EYA4: variants seen among roughly 807,000 people sequenced by gnomAD.
EYA4 encodes the protein protein phosphatase EYA4.
A neutral mutation model predicts 87.9 loss-of-function variants in EYA4; 31 were observed. The ratio of observed to expected loss-of-function variants is 0.35; its 90% confidence interval spans 0.27 to 0.48. The LOEUF (loss-of-function observed/expected upper bound fraction) is 0.48, where lower values mean the gene tolerates loss of function less well. Among genes scored for constraint, EYA4 ranks in the 20% least tolerant of loss-of-function variants. EYA4 has a pLI of 0.99. For missense variants in EYA4, 678 were observed against 761.4 expected, an observed-to-expected ratio of 0.89 and a Z score of 1.29; for synonymous variants, 263 against 270.6, an observed-to-expected ratio of 0.97 and a Z score of 0.28.
chr6:133,294,015 G>C (rs1436447051), intron 2 of EYA4, among the ~76,000 whole-genome samples: 1 of 67,978 alleles, frequency 1.5e-5, no homozygotes, highest in Non-Finnish European at 2.8e-5. Flanking sequence ...GTGCTCCCTA[G>C]GGTGATTTTA....
chr6:133,277,399 T>C (rs1777265527), intron 2 of EYA4, among the ~76,000 whole-genome samples: 1 of 152,202 alleles, frequency 6.6e-6, no homozygotes, highest in Non-Finnish European at 1.5e-5. Flanking sequence ...AATAGGTAGT[T>C]AAGGGCATGA....
chr6:133,480,240 G>A (rs987621061), intron 11 of EYA4, among the ~76,000 whole-genome samples: 1 of 152,204 alleles, frequency 6.6e-6, no homozygotes, highest in African/African-American at 2.4e-5. Context: ...CAAGGTATCA[G>A]CTGTCAAATA....
At chr6:133,323,025 C>A (rs539972580) in intron 2 of EYA4, among the ~76,000 whole-genome samples, 129 of 151,806 alleles carry the variant, frequency 8.5e-4, no homozygotes, top group African/African-American at 2.9e-3. Flanking sequence ...CTTCTCAAGA[C>A]AAAATTCATT....
At chr6:133,432,013 C>T (rs183459906) in intron 3 of EYA4, among the ~76,000 whole-genome samples, 3 of 151,438 alleles carry the variant, frequency 2.0e-5, no homozygotes, top group East Asian at 3.9e-4. Flanking sequence ...ATTCCACCCC[C>T]GCCCCCAGCA....
intron 2 of EYA4, among the ~76,000 whole-genome samples, chr6:133,281,835 T>C (rs1777650200): frequency 6.6e-6 from 1 of 152,164 alleles, no homozygotes; most frequent in Non-Finnish European, 1.5e-5. Flanking sequence ...GTTTCCTCAC[T>C]GCTTAGCTCT....
chr6:133,363,145 C>T (rs929140542), intron 2 of EYA4: 9 of 152,388 alleles, frequency 5.9e-5, no homozygotes, highest in African/African-American at 2.2e-4. Flanking sequence ...GGCCTTTGTT[C>T]CAATTAGTGT....
chr6:133,401,379 A>G (rs1788246951), intron 3 of EYA4, among the ~76,000 whole-genome samples: 1 of 97,718 alleles, frequency 1.0e-5, no homozygotes, highest in Non-Finnish European at 3.2e-5. Context: ...GTACATTTCA[A>G]AATCTCTAAA....
intron 11 of EYA4, among the ~76,000 whole-genome samples, chr6:133,477,125 C>G (rs910131635): frequency 8.5e-5 from 13 of 152,066 alleles, no homozygotes; most frequent in African/African-American, 3.1e-4. Flanking sequence ...CTCAGCCATG[C>G]TCAACTGAGT....
At chr6:133,332,711 A>ATTTTTTTTT (rs71003634) in intron 2 of EYA4, among the ~76,000 whole-genome samples, 616 of 124,828 alleles carry the variant, frequency 4.9e-3, no homozygotes, top group East Asian at 8.4e-3. Flanking sequence ...GCCCAGCTAA[A>ATTTTTTTTT]TTTTTTTTTT....
At chr6:133,497,511 C>A (rs1797739913) in intron 13 of EYA4, among the ~76,000 whole-genome samples, 1 of 152,064 alleles carries the variant, frequency 6.6e-6, no homozygotes, top group Non-Finnish European at 1.5e-5. Flanking sequence ...GCTATCTGAG[C>A]CCTGCTGCTA....
chr6:133,299,734 TAAAATAAAATAAAATAAAATA>T (rs1187669815), intron 2 of EYA4, among the ~76,000 whole-genome samples: 5 of 131,962 alleles, frequency 3.8e-5, no homozygotes, highest in East Asian at 5.3e-4. Context: ...TAAAATAAAA[TAAAATAAAATAAAATAAAATA>T]AAATAAAATA....
intron 1 of EYA4, among the ~76,000 whole-genome samples, chr6:133,274,072 A>G (rs1776963833): frequency 1.3e-5 from 2 of 152,242 alleles, no homozygotes; most frequent in South Asian, 4.1e-4. Flanking sequence ...ACTTTAATTC[A>G]TTTGAAAATA....
intron 3 of EYA4, among the ~76,000 whole-genome samples, chr6:133,425,171 A>G (rs1270871506): frequency 6.6e-6 from 1 of 150,848 alleles, no homozygotes; most frequent in Non-Finnish European, 1.5e-5. Flanking sequence ...ACAGAAGAAT[A>G]TATATATGCG....
chr6:133,477,844 A>AT (rs71545063), intron 11 of EYA4, among the ~76,000 whole-genome samples: 14,858 of 151,980 alleles, frequency 0.098, 868 homozygotes, highest in South Asian at 0.22. Context: ...GCATATATAT[A>AT]TATACACACA....
chr6:133,502,072 A>ACTCTCTCT (rs767862152), intron 13 of EYA4, among the ~76,000 whole-genome samples: 1 of 120,000 alleles, frequency 8.3e-6, no homozygotes, highest in Non-Finnish European at 1.8e-5. Flanking sequence ...TCTCTCTCTC[A>ACTCTCTCT]CTCTCTCTCT....
intron 3 of EYA4, among the ~76,000 whole-genome samples, chr6:133,401,138 A>G (rs1032605067): frequency 4.6e-5 from 7 of 152,168 alleles, no homozygotes; most frequent in African/African-American, 1.7e-4. Flanking sequence ...TAAGACAAGC[A>G]CGGAAAAGCA....
intron 13 of EYA4, among the ~76,000 whole-genome samples, chr6:133,499,545 A>G (rs773963629): frequency 6.6e-6 from 1 of 152,214 alleles, no homozygotes; most frequent in Non-Finnish European, 1.5e-5. Flanking sequence ...TCATCATACA[A>G]TTTAAGCTTG....
chr6:133,284,933 G>A (rs980737383), intron 2 of EYA4, among the ~76,000 whole-genome samples: 41 of 151,610 alleles, frequency 2.7e-4, no homozygotes, highest in African/African-American at 9.4e-4. Context: ...CAGGGAGGAG[G>A]ATAGGAAGTG....
intron 3 of EYA4, among the ~76,000 whole-genome samples, chr6:133,435,873 A>G (rs1213667804): frequency 6.6e-6 from 1 of 152,174 alleles, no homozygotes; most frequent in Admixed American, 6.5e-5. Context: ...ATGTGTGCAC[A>G]CACACACACC....
Sources: gnomAD v4.1 joint callset for allele counts (sites outside exome capture counted in the v4.1 genomes callset) on GRCh38, gnomAD v4.1.1 for gene constraint, MANE v1.5 for transcripts, NCBI Gene and HGNC (gene_info 2026-07-23, HGNC 2026-07-21) for gene names.